The following IFT27 variants were observed in gnomAD, a reference collection of about 807,000 sequenced individuals.
IFT27 encodes intraflagellar transport 27.
IFT27 carries 19 observed loss-of-function variants against 23.9 expected under a neutral mutation model. That is an observed-to-expected ratio of 0.79 (90% CI 0.55 to 1.16). IFT27 has a LOEUF of 1.16. IFT27 is among the 50% of genes most tolerant of loss of function. IFT27 has a pLI of 0.00. For missense variants in IFT27, 206 were observed against 228.7 expected (o/e 0.90, Z 0.64); for synonymous variants, 91 against 89.1 (o/e 1.02, Z -0.12).
intron 2 of IFT27, 146 bp downstream of exon 2, chr22:36,767,637 G>T: frequency 1.3e-6 from 1 of 794,700 alleles, no homozygotes; most frequent in Non-Finnish European, 2.1e-6. Flanking sequence ...CCCTGGGCTA[G>T]TGGAAAAAAC....
At chr22:36,772,813 A>T in intron 1 of IFT27, 1 of 970,162 alleles carries the variant, frequency 1.0e-6, no homozygotes, top group Non-Finnish European at 1.2e-6. Flanking sequence ...TTTAAACAGT[A>T]GGGCTGTGGG....
chr22:36,766,041 C>T, intron 4 of IFT27, 97 bp downstream of exon 4: 1 of 975,900 alleles, frequency 1.0e-6, no homozygotes, highest in Middle Eastern at 2.1e-4. Flanking sequence ...AGCTTCCCAA[C>T]AGCACAGTGC....
chr22:36,764,202 C>A (rs73419737), intron 4 of IFT27, among the ~76,000 whole-genome samples, 166 bp from the exon 5 acceptor site: 1 of 152,218 alleles, frequency 6.6e-6, no homozygotes, highest in Non-Finnish European at 1.5e-5. Flanking sequence ...AAGGAATGAA[C>A]GGAGGGCCAC....
chr22:36,767,431 C>T (rs1436541725), intron 2 of IFT27, 66 bp from the exon 3 acceptor site: 4 of 1,412,504 alleles, frequency 2.8e-6, no homozygotes, highest in Non-Finnish European at 4.0e-6. Context: ...TACAGGAGGA[C>T]ACACAAGCAC....
chr22:36,771,532 G>A (rs1938385222), intron 1 of IFT27, among the ~76,000 whole-genome samples: 1 of 152,042 alleles, frequency 6.6e-6, no homozygotes, highest in African/African-American at 2.4e-5. Context: ...GGGGTCACGC[G>A]GCAGGTGACT....
Position 36,776,053 on chromosome 22 carries a change from A to T in IFT27, c.-346T>A. ...TACCCAGAGGGTTCAAGGAAGGACG[A>T]TCCGGCTCTCCTCCGATCACAAGTA... On this transcript the variant is annotated 5_prime_UTR_variant, in exon 1 of 7. Coordinates refer to ENST00000433985, the MANE Select transcript of IFT27 (RefSeq NM_001177701.3). 1 of 366,092 alleles carries T rather than the reference A, an allele frequency of 2.7e-6. No homozygotes were observed. The highest frequency in any genetic ancestry group is 5.1e-6 in the Non-Finnish European group (1 of 194,784). The allele number at this position is 366,092 out of a possible 1,614,324, so 22.7% of individuals were successfully genotyped here.
At chr22:36,769,590 G>A (rs1056723312) in intron 1 of IFT27, among the ~76,000 whole-genome samples, 4 of 152,120 alleles carry the variant, frequency 2.6e-5, no homozygotes, top group African/African-American at 7.2e-5. Context: ...CTTGACCTCA[G>A]GTGATCTGCC....
chr22:36,760,638 G>A (rs919942162), intron 6 of IFT27: 1 of 152,218 alleles, frequency 6.6e-6, no homozygotes, highest in Non-Finnish European at 1.5e-5. Flanking sequence ...TTTTCCAGCT[G>A]GACAGGCCTG....
At chr22:36,775,462 G>A (rs936703505) in intron 1 of IFT27, among the ~76,000 whole-genome samples, 7 of 152,206 alleles carry the variant, frequency 4.6e-5, no homozygotes, top group Non-Finnish European at 1.0e-4. Context: ...ATGTGACAGG[G>A]AGCAGGGGGA....
At chr22:36,775,441 G>A (rs1244910266) in intron 1 of IFT27, among the ~76,000 whole-genome samples, 3 of 152,182 alleles carry the variant, frequency 2.0e-5, no homozygotes, top group African/African-American at 7.2e-5. Flanking sequence ...TGGTGAAGGT[G>A]GTCTCAGAGT....
chr22:36,766,292 G>A, intron 3 of IFT27, 95 bp from the exon 4 acceptor site: 2 of 1,036,924 alleles, frequency 1.9e-6, no homozygotes, highest in Middle Eastern at 2.0e-4. Context: ...CTTGTCTTAG[G>A]GGTGAAATAC....
Position 36,769,210 on chromosome 22 carries a change from C to A in IFT27, c.35-1348G>T, listed in dbSNP as rs1234385591. On this transcript the variant is annotated intron_variant, in intron 1 of 6. Coordinates refer to ENST00000433985, the MANE Select transcript of IFT27 (RefSeq NM_001177701.3). ...CCCCTCATGGACCTGTTCACACAATCCCATTCATTCCTTCCCCGCCAAGGT... is the reference window on the plus strand; with the variant it reads ...CCCCTCATGGACCTGTTCACACAATACCATTCATTCCTTCCCCGCCAAGGT... Among the ~76,000 whole-genome samples, 3 of 152,192 alleles carry A rather than the reference C, an allele frequency of 2.0e-5. 1 individual carries two copies. Among genetic ancestry groups the A allele is most frequent in the South Asian group, 4.1e-4 (2 of 4,828 alleles).
intron 6 of IFT27, chr22:36,761,421 T>A (rs1938087520): frequency 6.6e-6 from 1 of 152,216 alleles, no homozygotes. Context: ...TTCATTAATT[T>A]AGCATTTGTG....
At chr22:36,775,154 T>C (rs1938472900) in intron 1 of IFT27, among the ~76,000 whole-genome samples, 2 of 151,870 alleles carry the variant, frequency 1.3e-5, no homozygotes, top group Non-Finnish European at 2.9e-5. Flanking sequence ...CTTCTTGGAG[T>C]GGGGCAGCAC....
Position 36,762,927 on chromosome 22 carries a change from G to C in IFT27, c.439C>G (p.Leu147Val), listed in dbSNP as rs1938133533. ...EARAWALGQG[L>V]ECFETSVKEM... is the part of the protein sequence containing the mutation. ...ACCACGGATGTTTCAAAACATTCCA[G>C]GCCCTGGCCCAGCGCCCATGCCCGG... The change falls in exon 6 of 7, where the codon CTG becomes GTG. Residue 147 changes from leucine (L) to valine (V), a missense_variant. Coordinates refer to ENST00000433985, the MANE Select transcript of IFT27 (RefSeq NM_001177701.3). The C allele has an allele frequency of 1.3e-6, 2 of 1,586,038 alleles. No homozygotes were observed. The highest frequency in any genetic ancestry group is 4.6e-5 in the East Asian group (2 of 43,712).
At chr22:36,763,044 C>T (rs746367985) in intron 5 of IFT27, 31 bp from the exon 6 acceptor site, 8 of 1,500,428 alleles carry the variant, frequency 5.3e-6, no homozygotes, top group Non-Finnish European at 7.3e-6. Flanking sequence ...AAATATGGCA[C>T]TTCACTGTCA....
chr22:36,763,105 A>G, intron 5 of IFT27, 92 bp from the exon 6 acceptor site: 1 of 862,142 alleles, frequency 1.2e-6, no homozygotes, highest in Non-Finnish European at 1.8e-6. Context: ...TGAGGGGTGT[A>G]AAGCATCCTC....
intron 6 of IFT27, 125 bp from the exon 7 acceptor site, chr22:36,758,534 G>A (rs1323958806): frequency 1.3e-5 from 9 of 706,528 alleles, no homozygotes; most frequent in East Asian, 2.7e-5. Context: ...CACGCCCTTC[G>A]AGGTAGCCAC....
chr22:36,772,851 C>A, intron 1 of IFT27: 46 of 775,338 alleles, frequency 5.9e-5, no homozygotes, highest in Non-Finnish European at 6.7e-5. Flanking sequence ...AAACCAATGG[C>A]ATGTGTGTGG....
Sources: gnomAD v4.1 joint callset for allele counts (sites outside exome capture counted in the v4.1 genomes callset) on GRCh38, gnomAD v4.1.1 for gene constraint, MANE v1.5 for transcripts, NCBI Gene and HGNC (gene_info 2026-07-23, HGNC 2026-07-21) for gene names.